Variants in VEGFC observed in about 807,000 individuals in gnomAD.
VEGFC encodes the protein vascular endothelial growth factor C, also known as FLT4 ligand DHM.
A neutral mutation model predicts 46.1 loss-of-function variants in VEGFC; 12 were observed. That is an observed-to-expected ratio of 0.26 (90% CI 0.17 to 0.42). VEGFC has a LOEUF of 0.42. VEGFC is among the 10% of genes least tolerant of loss of function. VEGFC has a pLI of 1.00. For synonymous variants in VEGFC, 232 were observed against 195.5 expected, an observed-to-expected ratio of 1.19 and a Z score of -1.56; for missense variants, 488 against 529.4, an observed-to-expected ratio of 0.92 and a Z score of 0.77.
At chr4:176,713,267 A>G (rs1734646801) in intron 3 of VEGFC, among the ~76,000 whole-genome samples, 1 of 152,174 alleles carries the variant, frequency 6.6e-6, no homozygotes, top group Non-Finnish European at 1.5e-5. Flanking sequence ...ACCCGTTTAT[A>G]CACGTTGGAT....
intron 1 of VEGFC, among the ~76,000 whole-genome samples, chr4:176,770,692 C>T (rs1222803643): frequency 6.6e-6 from 1 of 152,092 alleles, no homozygotes; most frequent in Non-Finnish European, 1.5e-5. Context: ...TAGCTGAGCT[C>T]CTATTTTAGC....
chr4:176,729,361 C>T (rs1734923163), intron 2 of VEGFC, among the ~76,000 whole-genome samples, 172 bp downstream of exon 2: 1 of 152,136 alleles, frequency 6.6e-6, no homozygotes, highest in Admixed American at 6.6e-5. Flanking sequence ...CATCTTAATA[C>T]TCAAAGTGAA....
At chr4:176,705,483 GA>G (rs775325973) in intron 4 of VEGFC, among the ~76,000 whole-genome samples, 11 of 152,084 alleles carry the variant, frequency 7.2e-5, no homozygotes, top group Non-Finnish European at 1.0e-4. Flanking sequence ...GTAAATACTA[GA>G]AATGTTAGAA....
chr4:176,751,016 A>C (rs1453643185), intron 1 of VEGFC, among the ~76,000 whole-genome samples: 2 of 151,820 alleles, frequency 1.3e-5, no homozygotes, highest in Non-Finnish European at 2.9e-5. Context: ...TTAAAAGAGA[A>C]ATGGATACAT....
chr4:176,741,554 TACAC>T (rs562822453), intron 1 of VEGFC, among the ~76,000 whole-genome samples: 1 of 151,844 alleles, frequency 6.6e-6, no homozygotes, highest in Non-Finnish European at 1.5e-5. Context: ...TTAAACGGAG[TACAC>T]ACACACAGTG....
chr4:176,714,189 G>A (rs769785073), intron 3 of VEGFC, among the ~76,000 whole-genome samples: 4 of 152,218 alleles, frequency 2.6e-5, no homozygotes, highest in African/African-American at 7.2e-5. Flanking sequence ...AGATGAATGG[G>A]TCATGGGACC....
chr4:176,704,073 T>A (rs953506665), intron 4 of VEGFC, among the ~76,000 whole-genome samples: 4 of 152,130 alleles, frequency 2.6e-5, no homozygotes, highest in African/African-American at 9.7e-5. Context: ...TGAACCTTTC[T>A]AATATTTGGC....
At chr4:176,764,823 A>C (rs1415355520) in intron 1 of VEGFC, among the ~76,000 whole-genome samples, 1 of 152,224 alleles carries the variant, frequency 6.6e-6, no homozygotes, top group East Asian at 1.9e-4. Context: ...TATAATTTTT[A>C]AATAAAACAT....
intron 1 of VEGFC, among the ~76,000 whole-genome samples, chr4:176,735,824 C>A (rs983505992): frequency 6.6e-6 from 1 of 151,962 alleles, no homozygotes; most frequent in South Asian, 2.1e-4. Flanking sequence ...TTTTCAAAAT[C>A]ATCATTTGAG....
chr4:176,768,493 T>C (rs1391342277), intron 1 of VEGFC, among the ~76,000 whole-genome samples: 1 of 138,746 alleles, frequency 7.2e-6, no homozygotes, highest in African/African-American at 2.6e-5. Context: ...GTTTTATACA[T>C]ATATATATAT....
At position 176,707,388 on chromosome 4, in the gene VEGFC, T is replaced by C. The variant is rs912245265; in HGVS notation, c.704+4111A>G. Among the ~76,000 whole-genome samples the C allele has an allele frequency of 3.9e-5, 6 of 152,174 alleles. No individual in the cohort carries two copies. The East Asian group carries it at 1.2e-3, about 29-fold the overall frequency. ...ATTGTTCCTCTTAAATCTTAACAAATGTTAGAATTTTATAACATAGTCACA... is the reference window on the plus strand; with the variant it reads ...ATTGTTCCTCTTAAATCTTAACAAACGTTAGAATTTTATAACATAGTCACA... On this transcript the variant is annotated intron_variant, in intron 4 of 6. Coordinates refer to ENST00000618562, the MANE Select transcript of VEGFC (RefSeq NM_005429.5).
chr4:176,688,018 T>A, intron 4 of VEGFC, 91 bp from the exon 5 acceptor site: 1 of 623,136 alleles, frequency 1.6e-6, no homozygotes, highest in Non-Finnish European at 2.8e-6. Flanking sequence ...ATAATGCTCA[T>A]AGAAAAGCTT....
chr4:176,700,314 G>C (rs551012924), intron 4 of VEGFC, among the ~76,000 whole-genome samples: 28 of 152,150 alleles, frequency 1.8e-4, no homozygotes, highest in Middle Eastern at 3.4e-3. Flanking sequence ...TTACTCAGGA[G>C]GCTGAGGCAG....
chr4:176,712,864 A>C (rs773607642), intron 3 of VEGFC, among the ~76,000 whole-genome samples: 1 of 152,230 alleles, frequency 6.6e-6, no homozygotes, highest in African/African-American at 2.4e-5. Flanking sequence ...ATATTCATTT[A>C]AAATGTAACT....
chr4:176,763,726 C>T (rs531160971), intron 1 of VEGFC, among the ~76,000 whole-genome samples: 36 of 152,234 alleles, frequency 2.4e-4, no homozygotes, highest in African/African-American at 8.2e-4. Flanking sequence ...TTTAACCTTA[C>T]AGGTTCCATA....
At chr4:176,791,748 G>A (rs1340825294) in intron 1 of VEGFC, among the ~76,000 whole-genome samples, 5 of 152,120 alleles carry the variant, frequency 3.3e-5, no homozygotes, top group South Asian at 2.1e-4. Context: ...AGTAAGGCTG[G>A]GTTGACTGAT....
chr4:176,762,707 T>C (rs1016494866), intron 1 of VEGFC, among the ~76,000 whole-genome samples: 7 of 152,182 alleles, frequency 4.6e-5, no homozygotes, highest in Admixed American at 4.6e-4. Context: ...TGTGTCTGCA[T>C]ATAAAGATCT....
intron 1 of VEGFC, among the ~76,000 whole-genome samples, chr4:176,785,576 C>G (rs940719460): frequency 4.6e-5 from 7 of 152,170 alleles, no homozygotes; most frequent in African/African-American, 1.7e-4. Context: ...TTTCTGGTCT[C>G]ATTTTTAGCA....
At chr4:176,701,480 AG>A (rs1734431657) in intron 4 of VEGFC, among the ~76,000 whole-genome samples, 2 of 152,172 alleles carry the variant, frequency 1.3e-5, no homozygotes, top group African/African-American at 4.8e-5. Flanking sequence ...ACAATCTATC[AG>A]CAAGCCATAG....
Sources: allele counts gnomAD v4.1 joint callset (sites outside exome capture counted in the v4.1 genomes callset), GRCh38; gene constraint gnomAD v4.1.1; transcripts MANE v1.5; gene names NCBI Gene and HGNC (gene_info 2026-07-23, HGNC 2026-07-21).